The following FRY variants were observed in gnomAD, a reference collection of about 807,000 sequenced individuals.
FRY encodes protein furry homolog.
FRY carries 128 observed loss-of-function variants against 348.4 expected under a neutral mutation model. The ratio of observed to expected loss-of-function variants is 0.37; its 90% CI spans 0.32 to 0.43. FRY has a LOEUF of 0.43. Among genes scored for constraint, FRY ranks in the 20% least tolerant of loss-of-function variants. The probability of loss-of-function intolerance (pLI) is 1.00; values close to 1 mark genes in which losing one functional copy is unlikely to be tolerated. For synonymous variants in FRY, 1,370 were observed against 1,374.7 expected (o/e 1.00, Z 0.08); for missense variants, 2,736 against 3,695.2 (o/e 0.74, Z 6.73).
At chr13:32,205,452 T>C (rs996298223) in intron 31 of FRY, among the ~76,000 whole-genome samples, 2 of 152,118 alleles carry the variant, frequency 1.3e-5, no homozygotes, top group African/African-American at 4.8e-5. Flanking sequence ...GACCATTGCA[T>C]ATGCATCAGC....
rs1886303484 is a variant in FRY, at chr13:32,237,997, C to G, written c.6418+11C>G. The G allele has an allele frequency of 6.2e-7, 1 of 1,612,178 alleles. No homozygotes were observed. The highest frequency in any genetic ancestry group is 8.5e-7 in the Non-Finnish European group (1 of 1,179,824). On this transcript the variant is annotated intron_variant, in intron 44 of 60. Coordinates refer to ENST00000542859, the MANE Select transcript of FRY (RefSeq NM_023037.3). This position sits in a 1 kb window ranked among gnomAD's most constrained non-coding sequence, Gnocchi z 6.3. ...CATCCCACGCTATTGGTAAAGCCAG[C>G]CTCGTTCACCCTGTCTCAATTCTGA...
At chr13:32,121,159 A>T (rs1878625965) in intron 4 of FRY, among the ~76,000 whole-genome samples, 1 of 152,198 alleles carries the variant, frequency 6.6e-6, no homozygotes, top group Non-Finnish European at 1.5e-5. Flanking sequence ...CAGTTTCTTT[A>T]TCCACTCATT....
intron 35 of FRY, among the ~76,000 whole-genome samples, chr13:32,213,627 T>A (rs1884811436): frequency 6.6e-6 from 1 of 152,262 alleles, no homozygotes; most frequent in Non-Finnish European, 1.5e-5. Context: ...AACTACCTCA[T>A]GATAAAAGTC....
At position 32,276,428 on chromosome 13, in the gene FRY, C is replaced by T. The variant is rs773831384; in HGVS notation, c.8287-36C>T. On this transcript the variant is annotated intron_variant, in intron 56 of 60. Transcript: ENST00000542859. Reference sequence around the variant, plus strand: ...TAGCCATGCCTTTGTGTTGGTATCTCTCTAGTTTTAATACCAATTATTTTC... The same window carrying T: ...TAGCCATGCCTTTGTGTTGGTATCTTTCTAGTTTTAATACCAATTATTTTC... 5 of 1,022,836 alleles carry T rather than the reference C, an allele frequency of 4.9e-6. No individual in the cohort carries two copies. In the South Asian group the frequency reaches 5.0e-5, roughly 10 times the overall value. 63.4% of individuals were successfully genotyped at this position (1,022,836 alleles called of 1,614,324 possible).
chr13:32,141,840 C>G (rs1345652358), intron 11 of FRY, among the ~76,000 whole-genome samples: 1 of 152,158 alleles, frequency 6.6e-6, no homozygotes, highest in African/African-American at 2.4e-5. Context: ...TCCATGAAGT[C>G]AGTGACTGGC....
At chr13:32,243,970 G>A in intron 46 of FRY, 72 bp from the exon 47 acceptor site, 1 of 1,517,396 alleles carries the variant, frequency 6.6e-7, no homozygotes, top group South Asian at 1.1e-5. Context: ...TCCTAAATGT[G>A]TTGGAAAACA....
rs1887658491 is a variant in FRY, at chr13:32,261,739, AT to A, written c.7541del (p.Met2514SerfsTer26). On this transcript the variant is annotated frameshift_variant, in exon 52 of 61. Coordinates refer to ENST00000542859, the MANE Select transcript of FRY (RefSeq NM_023037.3). LOFTEE classifies it high-confidence loss of function. ...AGGAAGCACTCCTAGCCTGAATAAA[AT>A]GCACCATGAGGACTCCGATGAATCA... ...LSGSTPSLNK[M>X]HHEDSDESSE... 6.2e-7 allele frequency: 1 copy of A among 1,614,082 alleles called. No individual in the cohort carries two copies. Among genetic ancestry groups the A allele is most frequent in the African/African-American group, 1.3e-5 (1 of 74,924 alleles).
At chr13:32,133,116 C>T (rs1028631667) in intron 8 of FRY, among the ~76,000 whole-genome samples, 3 of 152,094 alleles carry the variant, frequency 2.0e-5, no homozygotes, top group Non-Finnish European at 4.4e-5. Flanking sequence ...CTAAATTTGA[C>T]AGTAGTGACA....
intron 1 of FRY, among the ~76,000 whole-genome samples, chr13:32,051,110 A>G (rs1019873817): frequency 1.3e-5 from 2 of 152,326 alleles, no homozygotes; most frequent in East Asian, 1.9e-4. Flanking sequence ...CCATTCATGT[A>G]GATACATACT....
At chr13:32,112,364 T>C (rs1188784074) in intron 3 of FRY, among the ~76,000 whole-genome samples, 2 of 152,120 alleles carry the variant, frequency 1.3e-5, no homozygotes, top group African/African-American at 2.4e-5. Flanking sequence ...AAAATCCCAA[T>C]GAGGTAAGTA....
At chr13:32,115,322 C>A (rs918984970) in intron 3 of FRY, among the ~76,000 whole-genome samples, 7 of 152,140 alleles carry the variant, frequency 4.6e-5, no homozygotes, top group Non-Finnish European at 1.5e-5. Flanking sequence ...TAAGGATTTC[C>A]ATTTCTTCTG....
chr13:32,227,792 C>T (rs1435641375), intron 39 of FRY, among the ~76,000 whole-genome samples: 2 of 146,968 alleles, frequency 1.4e-5, no homozygotes, highest in Non-Finnish European at 3.0e-5. Context: ...CACTCTGTCT[C>T]CCAGGCTGGA....
chr13:32,037,675 A>G (rs1872586215), intron 1 of FRY, among the ~76,000 whole-genome samples: 1 of 152,240 alleles, frequency 6.6e-6, no homozygotes, highest in South Asian at 2.1e-4. Context: ...CATTTGAGAA[A>G]GTTGCCAATA....
intron 40 of FRY, among the ~76,000 whole-genome samples, chr13:32,230,558 C>A (rs1885853916): frequency 6.6e-6 from 1 of 152,160 alleles, no homozygotes; most frequent in African/African-American, 2.4e-5. Flanking sequence ...CAGTCTGTCA[C>A]TGATGGGCAT....
chr13:32,157,176 A>C, intron 15 of FRY, 97 bp from the exon 16 acceptor site: 1 of 1,169,282 alleles, frequency 8.6e-7, no homozygotes, highest in South Asian at 1.2e-5. Context: ...TCATTGACTC[A>C]TAAGGTCTTC....
intron 1 of FRY, among the ~76,000 whole-genome samples, chr13:32,066,531 A>G (rs1316528388): frequency 6.6e-6 from 1 of 152,248 alleles, no homozygotes; most frequent in Non-Finnish European, 1.5e-5. Context: ...TTCTAGAGTC[A>G]GTGTTCTAAA....
At chr13:32,229,761 T>G (rs1885810294) in intron 40 of FRY, among the ~76,000 whole-genome samples, 1 of 152,232 alleles carries the variant, frequency 6.6e-6, no homozygotes, top group African/African-American at 2.4e-5. Context: ...TATTTGCAGC[T>G]TGATGTGATC....
intron 1 of FRY, among the ~76,000 whole-genome samples, chr13:32,057,751 A>T (rs1467194293): frequency 6.6e-6 from 1 of 152,144 alleles, no homozygotes; most frequent in Non-Finnish European, 1.5e-5. Flanking sequence ...CGAGGTCAGG[A>T]GATGGAGACC....
Position 32,177,785 on chromosome 13 carries a change from A to G in FRY, c.2422-392A>G, listed in dbSNP as rs191128525. Among the ~76,000 whole-genome samples, 857 of 152,336 alleles carry G rather than the reference A, an allele frequency of 5.6e-3. 8 individuals carry two copies. Among genetic ancestry groups the G allele is most frequent in the Middle Eastern group, 0.014 (4 of 294 alleles). On this transcript the variant is annotated intron_variant, in intron 20 of 60. Transcript: ENST00000542859. ...GTGTTAATTACAATGATAAAAACAC[A>G]TTTGTGAATCTCAGAGATGAATAAC...
Sources: allele counts gnomAD v4.1 joint callset (sites outside exome capture counted in the v4.1 genomes callset), GRCh38; gene constraint gnomAD v4.1.1; non-coding constraint Gnocchi (gnomAD v3.1); transcripts MANE v1.5; gene names NCBI Gene and HGNC (gene_info 2026-07-23, HGNC 2026-07-21).